The following VWC2L variants were observed in gnomAD, a reference collection of about 807,000 sequenced individuals.
VWC2L encodes the protein von Willebrand factor C domain-containing protein 2-like.
Under a neutral mutation model 21.6 loss-of-function variants are expected in VWC2L, and 10 were observed. The ratio of observed to expected loss-of-function variants is 0.46; its 90% CI spans 0.29 to 0.78. The LOEUF is 0.78. Ranked by LOEUF, VWC2L falls within the 30% of genes least tolerant of loss-of-function variation. The pLI is 0.10. For missense variants in VWC2L, 209 were observed against 277.1 expected (o/e 0.75, Z 1.74); for synonymous variants, 96 against 94.3 (o/e 1.02, Z -0.10).
At chr2:214,491,549 T>C (rs1365904951) in intron 3 of VWC2L, among the ~76,000 whole-genome samples, 1 of 152,204 alleles carries the variant, frequency 6.6e-6, no homozygotes, top group Non-Finnish European at 1.5e-5. Flanking sequence ...ATTTTAGATG[T>C]TATGTAATGT....
intron 3 of VWC2L, among the ~76,000 whole-genome samples, chr2:214,529,817 T>C (rs959711035): frequency 7.2e-5 from 11 of 152,180 alleles, no homozygotes; most frequent in African/African-American, 2.7e-4. Flanking sequence ...GATGGAATTA[T>C]CAAGTCATCT....
chr2:214,526,476 G>C (rs1276005756), intron 3 of VWC2L, among the ~76,000 whole-genome samples: 1 of 152,090 alleles, frequency 6.6e-6, no homozygotes, highest in African/African-American at 2.4e-5. Flanking sequence ...ACAACCTGAG[G>C]TATTTAAGAG....
intron 3 of VWC2L, among the ~76,000 whole-genome samples, chr2:214,482,521 G>C (rs757163310): frequency 6.7e-6 from 1 of 149,186 alleles, no homozygotes; most frequent in Admixed American, 6.7e-5. Context: ...ATGTATATGT[G>C]TGTATCTATA....
intron 3 of VWC2L, among the ~76,000 whole-genome samples, chr2:214,500,938 C>T (rs753256471): frequency 1.3e-5 from 2 of 152,168 alleles, no homozygotes; most frequent in Non-Finnish European, 2.9e-5. Flanking sequence ...AGACATTTGT[C>T]ATAATTTCTA....
At chr2:214,438,870 G>C (rs1702720286) in intron 3 of VWC2L, among the ~76,000 whole-genome samples, 1 of 151,950 alleles carries the variant, frequency 6.6e-6, no homozygotes, top group Non-Finnish European at 1.5e-5. Flanking sequence ...CAGATGCTAA[G>C]TACACAAGGT....
At chr2:214,515,444 C>G (rs1689125775) in intron 3 of VWC2L, among the ~76,000 whole-genome samples, 1 of 152,228 alleles carries the variant, frequency 6.6e-6, no homozygotes, top group African/African-American at 2.4e-5. Flanking sequence ...ACAGCATCTT[C>G]CTACTCTCAA....
At chr2:214,459,902 C>CTTTTTTTTTTTT (rs57351904) in intron 3 of VWC2L, among the ~76,000 whole-genome samples, 3 of 85,160 alleles carry the variant, frequency 3.5e-5, no homozygotes, top group Non-Finnish European at 6.3e-5. Flanking sequence ...TTTCCTTTGA[C>CTTTTTTTTTTTT]TTTTTTTTTT....
chr2:214,477,897 T>C (rs1335542441), intron 3 of VWC2L, among the ~76,000 whole-genome samples: 3 of 152,258 alleles, frequency 2.0e-5, no homozygotes, highest in African/African-American at 7.2e-5. Flanking sequence ...TGTCGTAAGT[T>C]GTTTATCACA....
At chr2:214,462,854 A>C (rs1316938369) in intron 3 of VWC2L, among the ~76,000 whole-genome samples, 3 of 152,222 alleles carry the variant, frequency 2.0e-5, no homozygotes, top group African/African-American at 7.2e-5. Context: ...TATTCATTAC[A>C]CTTAAAACAG....
chr2:214,475,313 A>C (rs1688498537), intron 3 of VWC2L, among the ~76,000 whole-genome samples: 1 of 152,148 alleles, frequency 6.6e-6, no homozygotes, highest in Admixed American at 6.6e-5. Flanking sequence ...GGCTTGTATT[A>C]TTTGAACATG....
chr2:214,517,620 G>A (rs185971433), intron 3 of VWC2L, among the ~76,000 whole-genome samples: 32 of 152,294 alleles, frequency 2.1e-4, no homozygotes, highest in Admixed American at 1.8e-3. Flanking sequence ...GGAAGAAGCA[G>A]TTTATAGAAA....
chr2:214,511,479 AAGAG>A (rs1233435628), intron 3 of VWC2L, among the ~76,000 whole-genome samples: 1 of 151,876 alleles, frequency 6.6e-6, no homozygotes, highest in Non-Finnish European at 1.5e-5. Context: ...TAAGAAGAGG[AAGAG>A]AGAGAGAGAT....
chr2:214,450,311 GC>G (rs543803457), intron 3 of VWC2L, among the ~76,000 whole-genome samples: 112 of 152,214 alleles, frequency 7.4e-4, no homozygotes, highest in Admixed American at 2.0e-3. Context: ...GAAGTAATCA[GC>G]CCCCTAGGCA....
intron 3 of VWC2L, among the ~76,000 whole-genome samples, chr2:214,440,173 T>C (rs1260478505): frequency 1.3e-5 from 2 of 151,874 alleles, no homozygotes; most frequent in Non-Finnish European, 2.9e-5. Flanking sequence ...TTAGCCTGAA[T>C]AAAATAAAAA....
chr2:214,465,497 T>G (rs1703202384), intron 3 of VWC2L, among the ~76,000 whole-genome samples: 1 of 152,180 alleles, frequency 6.6e-6, no homozygotes, highest in Non-Finnish European at 1.5e-5. Flanking sequence ...GTGGTTAAGC[T>G]GTTATCAAGA....
At chr2:214,522,091 T>C (rs1436101777) in intron 3 of VWC2L, among the ~76,000 whole-genome samples, 1 of 152,132 alleles carries the variant, frequency 6.6e-6, no homozygotes, top group African/African-American at 2.4e-5. Context: ...CAAATTGTAT[T>C]TTGGCCGGGC....
At chr2:214,552,753 C>T (rs922633991) in intron 3 of VWC2L, among the ~76,000 whole-genome samples, 2 of 152,156 alleles carry the variant, frequency 1.3e-5, no homozygotes, top group African/African-American at 4.8e-5. Context: ...TGAATTCAAT[C>T]ACTATATTTC....
intron 3 of VWC2L, among the ~76,000 whole-genome samples, chr2:214,495,642 C>T (rs1688800937): frequency 6.6e-6 from 1 of 152,074 alleles, no homozygotes; most frequent in African/African-American, 2.4e-5. Context: ...CAGTATATTT[C>T]TACCAAAATA....
chr2:214,506,376 C>T (rs908094043), intron 3 of VWC2L, among the ~76,000 whole-genome samples: 1 of 152,084 alleles, frequency 6.6e-6, no homozygotes. Context: ...CATAAAATAG[C>T]TCGAAGAAAT....
Sources: gnomAD v4.1 joint callset for allele counts (sites outside exome capture counted in the v4.1 genomes callset) on GRCh38, gnomAD v4.1.1 for gene constraint, MANE v1.5 for transcripts, NCBI Gene and HGNC (gene_info 2026-07-23, HGNC 2026-07-21) for gene names.